RDX: variants seen among roughly 807,000 people sequenced by gnomAD.
The protein encoded by RDX is radixin, also known as deafness, autosomal recessive 24.
Under a neutral mutation model 83.7 loss-of-function variants are expected in RDX, and 32 were observed. The observed-to-expected ratio is 0.38, with a 90% CI of 0.29 to 0.51. The LOEUF (loss-of-function observed/expected upper bound fraction) is 0.51, where lower values mean the gene tolerates loss of function less well. RDX is among the 20% of genes least tolerant of loss of function. The pLI is 0.87. For synonymous variants in RDX, 229 were observed against 222.7 expected (o/e 1.03, Z -0.25); for missense variants, 600 against 689.9 (o/e 0.87, Z 1.46).
At chr11:110,232,180 A>C (rs2134298564) in intron 13 of RDX, 147 bp from the exon 14 acceptor site, 1 of 669,060 alleles carries the variant, frequency 1.5e-6, no homozygotes, top group Non-Finnish European at 2.6e-6. Context: ...TTTTAGTAAT[A>C]GTGGTGGCAG....
intron 13 of RDX, among the ~76,000 whole-genome samples, chr11:110,232,858 A>G (rs1468860573): frequency 6.6e-6 from 1 of 152,148 alleles, no homozygotes; most frequent in African/African-American, 2.4e-5. Flanking sequence ...CAGGCAGTCC[A>G]CCTGCCTCGG....
intron 14 of RDX, among the ~76,000 whole-genome samples, chr11:110,201,514 C>T (rs1451774924): frequency 6.8e-6 from 1 of 147,998 alleles, no homozygotes; most frequent in Non-Finnish European, 1.5e-5. Context: ...AGCTTTGCCA[C>T]CAGGTGGCGG....
At position 110,283,937 on chromosome 11, in the gene RDX, A is replaced by C. The variant is rs191034379; in HGVS notation, c.-64-4181T>G. On this transcript the variant is annotated intron_variant, in intron 1 of 13. Coordinates refer to ENST00000645495, the MANE Select transcript of RDX (RefSeq NM_002906.4). ...AAGTAATCAAATGGTTAAATATATA[A>C]AGATATTGCTCAGATTCCACTCAGT... Among the ~76,000 whole-genome samples, 16 of 152,332 alleles carry C rather than the reference A, an allele frequency of 1.1e-4. No individual in the cohort carries two copies. In the East Asian group the frequency reaches 3.1e-3, roughly 29 times the overall value.
intron 14 of RDX, chr11:110,199,807 T>C (rs1863340570): frequency 1.5e-6 from 1 of 669,872 alleles, no homozygotes; most frequent in Non-Finnish European, 2.7e-6. Context: ...CTGGATTATG[T>C]AGGGCCTGTT....
At chr11:110,179,166 C>T (rs1015074913) in intron 15 of RDX, among the ~76,000 whole-genome samples, 9 of 152,256 alleles carry the variant, frequency 5.9e-5, no homozygotes, top group South Asian at 2.1e-4. Context: ...GGCCAGAAGC[C>T]GGGGAACTGA....
At chr11:110,271,504 C>A (rs1281812304) in intron 3 of RDX, among the ~76,000 whole-genome samples, 1 of 152,192 alleles carries the variant, frequency 6.6e-6, no homozygotes, top group East Asian at 1.9e-4. Flanking sequence ...TCCCTGGGGC[C>A]AATCCCTTAC....
chr11:110,189,265 A>AAAAAAAAAAAAAAAAAAAC (rs1863057435), intron 15 of RDX, among the ~76,000 whole-genome samples: 1 of 147,644 alleles, frequency 6.8e-6, no homozygotes, highest in Non-Finnish European at 1.5e-5. Flanking sequence ...AAAAAAAAAA[A>AAAAAAAAAAAAAAAAAAAC]AAAGACAAGG....
At chr11:110,205,993 T>C (rs1029525713) in intron 14 of RDX, among the ~76,000 whole-genome samples, 2 of 152,106 alleles carry the variant, frequency 1.3e-5, no homozygotes, top group Non-Finnish European at 2.9e-5. Context: ...CAGTGGCTCA[T>C]GCCTGTAATC....
intron 9 of RDX, among the ~76,000 whole-genome samples, chr11:110,250,012 T>C: frequency 6.6e-6 from 1 of 152,176 alleles, no homozygotes; most frequent in East Asian, 1.9e-4. Context: ...CTAACCCCAG[T>C]ATTTGGGCTC....
At chr11:110,240,670 G>A (rs1486834713) in intron 10 of RDX, among the ~76,000 whole-genome samples, 1 of 146,518 alleles carries the variant, frequency 6.8e-6, no homozygotes, top group Non-Finnish European at 1.5e-5. Flanking sequence ...GCGTGAACCC[G>A]GGAGGCGGAG....
In RDX at chr11:110,279,296, T is replaced by C. The variant is rs76259613; in HGVS notation, c.12+385A>G. ...GGTAACAACTAAGACAGTTTGACCT[T>C]AGAACTCATGACCACATAATACCAT... On this transcript the variant is annotated intron_variant, in intron 2 of 13. Transcript: ENST00000645495. Among the ~76,000 whole-genome samples the C allele has an allele frequency of 4.2e-3, 636 of 152,302 alleles. 6 individuals carry two copies. The highest frequency in any genetic ancestry group is 0.014 in the African/African-American group (584 of 41,568).
intron 15 of RDX, chr11:110,199,563 G>A (rs1863323289): frequency 1.4e-6 from 1 of 702,784 alleles, no homozygotes. Flanking sequence ...CCTGGCCACG[G>A]CTGCCAGTTG....
chr11:110,285,712 CAAA>C (rs35030078), intron 1 of RDX, among the ~76,000 whole-genome samples: 1 of 78,404 alleles, frequency 1.3e-5, no homozygotes, highest in Non-Finnish European at 2.3e-5. Context: ...GACTTTGTCT[CAAA>C]AAAAAAAAAA....
intron 1 of RDX, among the ~76,000 whole-genome samples, chr11:110,282,843 A>G (rs1462349110): frequency 6.6e-6 from 1 of 152,186 alleles, no homozygotes; most frequent in Non-Finnish European, 1.5e-5. Flanking sequence ...CAGGCATAGT[A>G]GAGTGCACAT....
intron 5 of RDX, among the ~76,000 whole-genome samples, chr11:110,262,416 C>T (rs558324529): frequency 1.8e-4 from 28 of 152,166 alleles, no homozygotes; most frequent in African/African-American, 6.5e-4. Context: ...GAAACTCCAT[C>T]TCCACTAAAA....
intron 1 of RDX, among the ~76,000 whole-genome samples, chr11:110,295,364 T>G (rs1287467041): frequency 6.6e-6 from 1 of 151,048 alleles, no homozygotes; most frequent in Non-Finnish European, 1.5e-5. Flanking sequence ...ACAATGTCTA[T>G]GTCAAAGTAC....
At chr11:110,274,478 G>A (rs530593292) in intron 2 of RDX, among the ~76,000 whole-genome samples, 195 of 152,186 alleles carry the variant, frequency 1.3e-3, no homozygotes, top group African/African-American at 4.3e-3. Context: ...ATGCTTACAT[G>A]GGTATATTCA....
At chr11:110,209,458 C>T (rs560133873) in intron 14 of RDX, among the ~76,000 whole-genome samples, 1 of 152,190 alleles carries the variant, frequency 6.6e-6, no homozygotes, top group African/African-American at 2.4e-5. Context: ...ACAAAGCAGC[C>T]GGGAAGCTCG....
intron 14 of RDX, among the ~76,000 whole-genome samples, chr11:110,201,172 C>T (rs11213310): frequency 1.3e-3 from 154 of 121,540 alleles, no homozygotes; most frequent in African/African-American, 4.7e-3. Context: ...GCAAAACTCC[C>T]GTCTCAAAAA....
Sources: gnomAD v4.1 joint callset for allele counts (sites outside exome capture counted in the v4.1 genomes callset) on GRCh38, gnomAD v4.1.1 for gene constraint, MANE v1.5 for transcripts, NCBI Gene and HGNC (gene_info 2026-07-23, HGNC 2026-07-21) for gene names.